The following CPM variants were observed in gnomAD, a reference collection of about 807,000 sequenced individuals.
CPM encodes renal carboxypeptidase.
Under a neutral mutation model 46.4 loss-of-function variants are expected in CPM, and 35 were observed. The observed-to-expected ratio is 0.75, with a 90% CI of 0.58 to 1.00. CPM has a LOEUF of 1.00. Ranked by LOEUF, CPM falls within the 50% of genes least tolerant of loss-of-function variation. The pLI is 0.00. For synonymous variants in CPM, 195 were observed against 195.3 expected, an observed-to-expected ratio of 1.00 and a Z score of 0.01; for missense variants, 422 against 530.4, an observed-to-expected ratio of 0.80 and a Z score of 2.01.
intron 2 of CPM, among the ~76,000 whole-genome samples, chr12:68,892,028 C>T (rs1305820759): frequency 2.6e-5 from 4 of 152,112 alleles, no homozygotes; most frequent in African/African-American, 7.2e-5. Flanking sequence ...TGAGCCACTT[C>T]ACGCGGCTGG....
intron 7 of CPM, among the ~76,000 whole-genome samples, chr12:68,862,685 T>C (rs1885261692): frequency 1.1e-5 from 1 of 93,268 alleles, no homozygotes; most frequent in South Asian, 2.8e-4. Flanking sequence ...AAGCGTGCTT[T>C]AGCTTGTATA....
chr12:68,912,590 T>C (rs1291035815), intron 2 of CPM, among the ~76,000 whole-genome samples: 5 of 152,216 alleles, frequency 3.3e-5, no homozygotes, highest in Non-Finnish European at 5.9e-5. Flanking sequence ...TGGTCACTTA[T>C]GACTTCTAAG....
chr12:68,847,147 C>G (rs1394548046), downstream of CPM: 1 of 120,620 alleles, frequency 8.3e-6, no homozygotes, highest in African/African-American at 3.8e-5. Flanking sequence ...ACATATATTA[C>G]ATATATATAT....
chr12:68,847,114 A>G (rs1473931960), downstream of CPM: 4 of 144,488 alleles, frequency 2.8e-5, no homozygotes, highest in African/African-American at 5.2e-5. Flanking sequence ...ATGCCTGGCT[A>G]ATATATATAT....
intron 7 of CPM, among the ~76,000 whole-genome samples, chr12:68,866,194 T>C (rs1230389530): frequency 2.6e-5 from 4 of 152,240 alleles, no homozygotes; most frequent in African/African-American, 7.2e-5. Context: ...TCCTTGGTAC[T>C]GCGTGGTGAG....
chr12:68,885,882 G>C lies in CPM; in HGVS notation c.168C>G (p.Asn56Lys), dbSNP rs779343663. 1 of 1,612,988 alleles carries C rather than the reference G, an allele frequency of 6.2e-7. No homozygotes were observed. The highest frequency in any genetic ancestry group is 8.5e-7 in the Non-Finnish European group (1 of 1,179,666). ...HSIGKSVKGR[N>K]LWVLVVGRFP... ...ACCGCCCCACAACAAGAACCCACAGGTTTCTACCTTTACAGGAAAAGAAGA... is the reference window on the plus strand; with the variant it reads ...ACCGCCCCACAACAAGAACCCACAGCTTTCTACCTTTACAGGAAAAGAAGA... Residue 56 changes from asparagine (N) to lysine (K), a missense_variant, in exon 3 of 9, where the codon AAC becomes AAG. Physicochemically the swap from Asn to Lys is moderately conservative, Grantham distance 94. Coordinates refer to ENST00000551568, the MANE Select transcript of CPM (RefSeq NM_198320.5).
At chr12:68,844,479 G>A (rs1884090618) in intron 5 of CPM, 1 of 228,536 alleles carries the variant, frequency 4.4e-6, no homozygotes, top group East Asian at 6.2e-5. Flanking sequence ...ATCGTGAATG[G>A]TCTATAAGGG....
At chr12:68,951,624 G>T (rs1297982731) in intron 1 of CPM, among the ~76,000 whole-genome samples, 3 of 152,184 alleles carry the variant, frequency 2.0e-5, no homozygotes, top group Non-Finnish European at 4.4e-5. Flanking sequence ...ATCATCGTTA[G>T]GGTTCATATT....
chr12:68,848,213 T>C (rs1632248), downstream of CPM: 132,189 of 152,270 alleles, frequency 0.87, 57,544 homozygotes, highest in African/African-American at 0.93. Flanking sequence ...GATGGCGTCT[T>C]GCTCTGTTGC....
At chr12:68,945,817 A>C (rs1475814614) in intron 1 of CPM, among the ~76,000 whole-genome samples, 5 of 149,362 alleles carry the variant, frequency 3.3e-5, no homozygotes, top group Non-Finnish European at 7.4e-5. Context: ...GGACAAGGCT[A>C]GAATTTTTTT....
rs1452092068 is a variant in CPM at position 68,932,799 on chromosome 12, A to C, written c.39T>G (p.Pro13=). The part of the protein sequence containing the change: ...FPCLWLGLLL[P]LVAALDFNYH... ...AGTTGAAATCCAGCGCAGCTACCAA[A>C]GGCAGCAACAGCCCTAGCCAGAGGC... is the stretch of plus-strand genomic sequence containing the variant. Residue 13 remains proline, a synonymous_variant, in exon 2 of 9, where the codon CCT becomes CCG. Coordinates refer to ENST00000551568, the MANE Select transcript of CPM (RefSeq NM_198320.5). The C allele has an allele frequency of 6.2e-7, 1 of 1,614,168 alleles. No homozygotes were observed. Among genetic ancestry groups the C allele is most frequent in the Non-Finnish European group, 8.5e-7 (1 of 1,180,016 alleles).
chr12:68,954,423 C>T (rs1486084748), intron 1 of CPM, among the ~76,000 whole-genome samples: 1 of 152,210 alleles, frequency 6.6e-6, no homozygotes, highest in Admixed American at 6.5e-5. Flanking sequence ...TACACTCCCT[C>T]TCCTTGAAGC....
chr12:68,894,266 A>C (rs1886776092), intron 2 of CPM, among the ~76,000 whole-genome samples: 1 of 152,210 alleles, frequency 6.6e-6, no homozygotes, highest in South Asian at 2.1e-4. Flanking sequence ...CATTTTGTTT[A>C]GGTTGCTGGT....
chr12:68,922,955 TGCCCAGGCTGGA>T (rs1888097477), intron 2 of CPM, among the ~76,000 whole-genome samples: 1 of 152,146 alleles, frequency 6.6e-6, no homozygotes, highest in African/African-American at 2.4e-5. Context: ...CTTGCTGTGT[TGCCCAGGCTGGA>T]GTGCAGTGGC....
chr12:68,922,906 T>A (rs1592698951), intron 2 of CPM, among the ~76,000 whole-genome samples: 1 of 152,000 alleles, frequency 6.6e-6, no homozygotes, highest in Non-Finnish European at 1.5e-5. Flanking sequence ...GACAGAAGTG[T>A]TTTTTGTTTG....
At chr12:68,869,914 A>G (rs1325348795) in intron 5 of CPM, among the ~76,000 whole-genome samples, 1 of 152,008 alleles carries the variant, frequency 6.6e-6, no homozygotes, top group Non-Finnish European at 1.5e-5. Context: ...GTTTTATGTT[A>G]TTTTAGCCAT....
intron 4 of CPM, among the ~76,000 whole-genome samples, chr12:68,871,175 G>C (rs1007469210): frequency 6.6e-6 from 1 of 152,176 alleles, no homozygotes; most frequent in Non-Finnish European, 1.5e-5. Context: ...CTTGCTTATG[G>C]TTAGTTCTTG....
chr12:68,919,371 T>C (rs191822868), intron 2 of CPM, among the ~76,000 whole-genome samples: 2 of 152,344 alleles, frequency 1.3e-5, no homozygotes, highest in Admixed American at 1.3e-4. Flanking sequence ...CGCCTTGTTT[T>C]TTGTTTGCCT....
intron 2 of CPM, among the ~76,000 whole-genome samples, chr12:68,917,274 A>C (rs1351556892): frequency 6.6e-6 from 1 of 152,096 alleles, no homozygotes; most frequent in Non-Finnish European, 1.5e-5. Flanking sequence ...TCTCGCACAC[A>C]GCTAATGACA....
Sources: gnomAD v4.1 joint callset for allele counts (sites outside exome capture counted in the v4.1 genomes callset) on GRCh38, gnomAD v4.1.1 for gene constraint, MANE v1.5 for transcripts, NCBI Gene and HGNC (gene_info 2026-07-23, HGNC 2026-07-21) for gene names.